The following PFDN1 variants were observed in gnomAD, a reference collection of about 807,000 sequenced individuals.
PFDN1 encodes prefoldin subunit 1.
In PFDN1, 6 loss-of-function variants were observed where a neutral mutation model predicts 17.3. The observed-to-expected ratio is 0.35, with a 90% confidence interval of 0.19 to 0.69. The LOEUF is 0.69. Ranked by LOEUF, PFDN1 falls within the 30% of genes least tolerant of loss-of-function variation. PFDN1 has a pLI of 0.65. For missense variants in PFDN1, 113 were observed against 146.2 expected (o/e 0.77, Z 1.17); for synonymous variants, 58 against 50.1 (o/e 1.16, Z -0.67).
intron 3 of PFDN1, among the ~76,000 whole-genome samples, chr5:140,248,581 C>T (rs1219466342): frequency 1.3e-5 from 2 of 152,226 alleles, no homozygotes; most frequent in Non-Finnish European, 2.9e-5. Context: ...AAAAGTCCGC[C>T]AGGGCCCAGG....
intron 3 of PFDN1, among the ~76,000 whole-genome samples, chr5:140,274,230 C>CA (rs1432940907): frequency 6.6e-6 from 1 of 151,964 alleles, no homozygotes; most frequent in Non-Finnish European, 1.5e-5. Flanking sequence ...TGAATTTTGT[C>CA]AAAAAAGACT....
chr5:140,262,930 AC>A (rs1765084485), intron 3 of PFDN1, among the ~76,000 whole-genome samples: 2 of 152,224 alleles, frequency 1.3e-5, no homozygotes, highest in Non-Finnish European at 2.9e-5. Flanking sequence ...TCTTATAAGT[AC>A]TTGCTGGCAA....
At chr5:140,264,467 C>T (rs1765108640) in intron 3 of PFDN1, among the ~76,000 whole-genome samples, 1 of 152,186 alleles carries the variant, frequency 6.6e-6, no homozygotes, top group Non-Finnish European at 1.5e-5. Flanking sequence ...CAAGCAGTAT[C>T]TTTTACTTGC....
At chr5:140,299,818 C>T (rs1765713335) in intron 2 of PFDN1, among the ~76,000 whole-genome samples, 3 of 151,718 alleles carry the variant, frequency 2.0e-5, no homozygotes, top group Admixed American at 2.0e-4. Flanking sequence ...TCCAGACCAT[C>T]CTGGCAAATA....
At chr5:140,253,061 GAAAGAT>G (rs1399426343) in intron 3 of PFDN1, among the ~76,000 whole-genome samples, 1 of 152,212 alleles carries the variant, frequency 6.6e-6, no homozygotes, top group African/African-American at 2.4e-5. Context: ...ACAAATCAAA[GAAAGAT>G]AAAGCAATCT....
At chr5:140,284,872 T>C (rs1461036523) in intron 2 of PFDN1, among the ~76,000 whole-genome samples, 3 of 152,230 alleles carry the variant, frequency 2.0e-5, no homozygotes, top group Non-Finnish European at 4.4e-5. Flanking sequence ...CACTTCCTCA[T>C]TTATTTGTAA....
In PFDN1 at chr5:140,303,077, G is replaced by A; in HGVS notation, c.-4C>T. On this transcript the variant is annotated 5_prime_UTR_variant, in exon 1 of 4. Coordinates refer to ENST00000261813, the MANE Select transcript of PFDN1 (RefSeq NM_002622.5). ...CTAGATCCACGGGGGCGGCCATCTT[G>A]GTGCACTGTAAGCGCCTGCGCAGTG... 1 of 1,611,886 alleles carries A rather than the reference G, an allele frequency of 6.2e-7. No homozygotes were observed. Among genetic ancestry groups the A allele is most frequent in the Non-Finnish European group, 8.5e-7 (1 of 1,177,902 alleles).
At chr5:140,258,826 T>C (rs1249925518) in intron 3 of PFDN1, among the ~76,000 whole-genome samples, 1 of 152,126 alleles carries the variant, frequency 6.6e-6, no homozygotes, top group African/African-American at 2.4e-5. Context: ...AAGGTACCTG[T>C]GAGACATCCA....
intron 3 of PFDN1, among the ~76,000 whole-genome samples, chr5:140,266,441 A>G (rs7737543): frequency 0.49 from 74,239 of 152,008 alleles, 18,335 homozygotes; most frequent in South Asian, 0.71. Context: ...TAAATACGTC[A>G]ATCTTCACTA....
intron 3 of PFDN1, among the ~76,000 whole-genome samples, chr5:140,278,281 G>GC (rs1351486831): frequency 6.7e-6 from 1 of 149,254 alleles, no homozygotes; most frequent in Non-Finnish European, 1.5e-5. Flanking sequence ...TAAGACATAC[G>GC]CCCCAGTCAG....
intron 3 of PFDN1, among the ~76,000 whole-genome samples, chr5:140,275,916 G>A (rs918637499): frequency 2.6e-5 from 4 of 152,240 alleles, no homozygotes; most frequent in South Asian, 2.1e-4. Flanking sequence ...CTCTTTCAGA[G>A]ATGAAAACAT....
chr5:140,270,592 T>C (rs1329326953), intron 3 of PFDN1, among the ~76,000 whole-genome samples: 6 of 152,080 alleles, frequency 3.9e-5, no homozygotes, highest in East Asian at 1.9e-4. Context: ...ATCTGTAATA[T>C]ATATTTCAAG....
chr5:140,248,543 A>G (rs1488318785), intron 3 of PFDN1, among the ~76,000 whole-genome samples: 1 of 152,230 alleles, frequency 6.6e-6, no homozygotes, highest in African/African-American at 2.4e-5. Context: ...GGGAAAGGCG[A>G]ATGGAATAAG....
chr5:140,258,636 T>C (rs925231313), intron 3 of PFDN1, among the ~76,000 whole-genome samples: 4 of 152,130 alleles, frequency 2.6e-5, no homozygotes, highest in Non-Finnish European at 2.9e-5. Flanking sequence ...ACTTCACCAC[T>C]CCCTTCATCA....
At chr5:140,273,802 G>T in intron 3 of PFDN1, 1 of 452,230 alleles carries the variant, frequency 2.2e-6, no homozygotes, top group African/African-American at 2.1e-5. Flanking sequence ...AGCTAACCAG[G>T]GTGGTGAAAG....
At chr5:140,246,922 A>C (rs950412834) in intron 3 of PFDN1, among the ~76,000 whole-genome samples, 3 of 152,142 alleles carry the variant, frequency 2.0e-5, no homozygotes, top group Non-Finnish European at 4.4e-5. Flanking sequence ...CTGAGGGAAT[A>C]CTCAAAATTA....
chr5:140,266,349 C>T (rs1352162824), intron 3 of PFDN1, among the ~76,000 whole-genome samples: 1 of 152,224 alleles, frequency 6.6e-6, no homozygotes, highest in Non-Finnish European at 1.5e-5. Context: ...GGGAGTAACA[C>T]TGGTTTGTGA....
chr5:140,281,255 T>C (rs1317390122), intron 3 of PFDN1, 194 bp downstream of exon 3: 1 of 459,122 alleles, frequency 2.2e-6, no homozygotes, highest in Non-Finnish European at 3.9e-6. Context: ...GAAGAGACTA[T>C]TCTTTTTTTT....
At chr5:140,249,709 C>T (rs779643810) in intron 3 of PFDN1, among the ~76,000 whole-genome samples, 19 of 152,126 alleles carry the variant, frequency 1.2e-4, no homozygotes, top group Non-Finnish European at 2.4e-4. Flanking sequence ...TGGTGGAAGG[C>T]GAAGGGGAGC....
Sources: gnomAD v4.1 joint callset for allele counts (sites outside exome capture counted in the v4.1 genomes callset) on GRCh38, gnomAD v4.1.1 for gene constraint, MANE v1.5 for transcripts, NCBI Gene and HGNC (gene_info 2026-07-23, HGNC 2026-07-21) for gene names.